Variants in INPP4B observed in about 807,000 individuals in gnomAD.
INPP4B encodes inositol polyphosphate 4-phosphatase type II.
A neutral mutation model predicts 122.5 loss-of-function variants in INPP4B; 55 were observed. The observed-to-expected ratio is 0.45, with a 90% CI of 0.36 to 0.56. The LOEUF (loss-of-function observed/expected upper bound fraction) is 0.56, where lower values mean the gene tolerates loss of function less well. INPP4B is among the 20% of genes least tolerant of loss of function. INPP4B has a pLI of 0.00. For missense variants in INPP4B, 1,000 were observed against 1,097.7 expected, an observed-to-expected ratio of 0.91 and a Z score of 1.26; for synonymous variants, 403 against 388.7, an observed-to-expected ratio of 1.04 and a Z score of -0.43.
chr4:142,619,467 C>T (rs1443898334), intron 2 of INPP4B, among the ~76,000 whole-genome samples: 1 of 151,982 alleles, frequency 6.6e-6, no homozygotes, highest in Non-Finnish European at 1.5e-5. Context: ...AGACATTATG[C>T]TATGTGAAAT....
At chr4:142,279,979 G>A (rs1750421283) in intron 9 of INPP4B, among the ~76,000 whole-genome samples, 1 of 151,896 alleles carries the variant, frequency 6.6e-6, no homozygotes, top group Admixed American at 6.6e-5. Context: ...TATATGGATG[G>A]CAAATAGCAC....
At chr4:142,739,909 A>T (rs764433965) in intron 1 of INPP4B, among the ~76,000 whole-genome samples, 4 of 152,050 alleles carry the variant, frequency 2.6e-5, no homozygotes, top group Non-Finnish European at 5.9e-5. Flanking sequence ...CTTCACAATA[A>T]CTATTGAAAA....
chr4:142,622,380 T>A (rs936545384), intron 2 of INPP4B, among the ~76,000 whole-genome samples: 1 of 151,618 alleles, frequency 6.6e-6, no homozygotes, highest in Non-Finnish European at 1.5e-5. Context: ...TGTACCAAGA[T>A]GCCCAGGTGC....
chr4:142,119,048 C>T (rs1795230026), intron 21 of INPP4B, among the ~76,000 whole-genome samples: 1 of 152,198 alleles, frequency 6.6e-6, no homozygotes, highest in Non-Finnish European at 1.5e-5. Context: ...TGAAAATATG[C>T]TCATCATCAC....
chr4:142,579,415 A>G (rs755831539), intron 2 of INPP4B, among the ~76,000 whole-genome samples: 92 of 152,120 alleles, frequency 6.0e-4, no homozygotes, highest in Non-Finnish European at 1.0e-3. Flanking sequence ...AGTTAATTTT[A>G]TGTGTCAACT....
intron 2 of INPP4B, among the ~76,000 whole-genome samples, chr4:142,549,424 G>T (rs751732681): frequency 9.5e-4 from 145 of 152,172 alleles, no homozygotes; most frequent in Non-Finnish European, 1.6e-3. Flanking sequence ...ATCTAACCTG[G>T]CTCCCCAGTC....
intron 12 of INPP4B, among the ~76,000 whole-genome samples, chr4:142,230,897 A>T (rs1259760681): frequency 6.6e-6 from 1 of 152,162 alleles, no homozygotes; most frequent in Non-Finnish European, 1.5e-5. Flanking sequence ...AACTTGAGAG[A>T]TATCTAACAT....
intron 25 of INPP4B, among the ~76,000 whole-genome samples, chr4:142,076,541 T>A (rs544870980): frequency 6.6e-6 from 1 of 152,156 alleles, no homozygotes; most frequent in East Asian, 1.9e-4. Flanking sequence ...CTGACTGAAG[T>A]AATGTAGCAA....
At chr4:142,569,661 T>C (rs1284403917) in intron 2 of INPP4B, among the ~76,000 whole-genome samples, 3 of 152,100 alleles carry the variant, frequency 2.0e-5, no homozygotes, top group Non-Finnish European at 2.9e-5. Context: ...TAACTCAAAA[T>C]TGAGGATTAT....
At position 142,112,691 on chromosome 4, in the gene INPP4B, G is replaced by A. The variant is rs1328286480; in HGVS notation, c.2136-9C>T. 2 of 1,600,976 alleles carry A rather than the reference G, an allele frequency of 1.2e-6. No individual in the cohort carries two copies. The highest frequency in any genetic ancestry group is 3.6e-5 in the Admixed American group (2 of 55,920). On this transcript the variant is annotated splice_polypyrimidine_tract_variant and intron_variant, in intron 21 of 25. Coordinates refer to ENST00000262992, the MANE Select transcript of INPP4B (RefSeq NM_001101669.3). ...CTACCACGTAATGTTCTCTAAAGAA[G>A]GCAGAGGACAAAGGGAAGAAACATT...
At chr4:142,644,905 C>CA (rs72460445) in intron 2 of INPP4B, among the ~76,000 whole-genome samples, 1,205 of 66,042 alleles carry the variant, frequency 0.018, 37 homozygotes, top group Middle Eastern at 0.043. Flanking sequence ...GACTCCATCT[C>CA]AAAAAAAAAA....
chr4:142,586,372 C>G (rs188184755), intron 2 of INPP4B, among the ~76,000 whole-genome samples: 10 of 152,016 alleles, frequency 6.6e-5, no homozygotes, highest in South Asian at 2.1e-4. Flanking sequence ...AATAGAATCC[C>G]TAAGTCTCCT....
intron 2 of INPP4B, among the ~76,000 whole-genome samples, chr4:142,653,747 T>G (rs953162512): frequency 7.9e-5 from 12 of 152,120 alleles, no homozygotes; most frequent in Non-Finnish European, 1.8e-4. Flanking sequence ...TGTGGAGAAA[T>G]AGGAATGCTT....
chr4:142,065,234 A>AACACAC (rs36228246), intron 25 of INPP4B, among the ~76,000 whole-genome samples: 6 of 149,644 alleles, frequency 4.0e-5, no homozygotes, highest in East Asian at 3.9e-4. Context: ...GAATGAGGCC[A>AACACAC]ACACACACAC....
chr4:142,844,619 C>T (rs1464318637), intron 1 of INPP4B, among the ~76,000 whole-genome samples: 3 of 152,204 alleles, frequency 2.0e-5, no homozygotes, highest in East Asian at 3.8e-4. Context: ...TGCATCAATG[C>T]GTAAAGGAGA....
chr4:142,029,388 G>C, intron 25 of INPP4B: 1 of 983,998 alleles, frequency 1.0e-6, no homozygotes, highest in African/African-American at 1.7e-5. Flanking sequence ...TTTTAGCTGT[G>C]CAAGGAAGAG....
intron 3 of INPP4B, among the ~76,000 whole-genome samples, chr4:142,444,134 C>T (rs1432580596): frequency 2.0e-5 from 3 of 152,140 alleles, no homozygotes; most frequent in Non-Finnish European, 4.4e-5. Flanking sequence ...AACAGAGATG[C>T]AGAATGCCTT....
intron 2 of INPP4B, among the ~76,000 whole-genome samples, chr4:142,659,944 A>G (rs573536217): frequency 6.4e-4 from 94 of 147,944 alleles, no homozygotes; most frequent in African/African-American, 2.3e-3. Context: ...TCAAAGCCCT[A>G]GGAAGGAAAA....
intron 2 of INPP4B, among the ~76,000 whole-genome samples, chr4:142,673,416 C>CAA (rs35627855): frequency 2.5e-4 from 33 of 130,058 alleles, no homozygotes; most frequent in African/African-American, 2.9e-4. Context: ...AACCAGGAGA[C>CAA]AAAAAAAAAA....
Sources: gnomAD v4.1 joint callset for allele counts (sites outside exome capture counted in the v4.1 genomes callset) on GRCh38, gnomAD v4.1.1 for gene constraint, MANE v1.5 for transcripts, NCBI Gene and HGNC (gene_info 2026-07-23, HGNC 2026-07-21) for gene names.